Variants in MED13L observed in about 807,000 individuals in gnomAD.
MED13L encodes mediator complex subunit 13L.
MED13L carries 7 observed loss-of-function variants against 220.9 expected under a neutral mutation model. The observed-to-expected ratio is 0.03, with a 90% CI of 0.02 to 0.06. The LOEUF is 0.06. Among genes scored for constraint, MED13L ranks in the 10% least tolerant of loss-of-function variants. The probability of loss-of-function intolerance (pLI) is 1.00; values close to 1 mark genes in which losing one functional copy is unlikely to be tolerated. For synonymous variants in MED13L, 1,011 were observed against 1,015.2 expected, an observed-to-expected ratio of 1.00 and a Z score of 0.08; for missense variants, 1,965 against 2,760.5, an observed-to-expected ratio of 0.71 and a Z score of 6.46.
intron 2 of MED13L, among the ~76,000 whole-genome samples, chr12:116,142,944 C>G (rs1236967428): frequency 6.6e-6 from 1 of 152,180 alleles, no homozygotes; most frequent in African/African-American, 2.4e-5. Context: ...TCAAATCAAA[C>G]AGGTGAACTC....
At chr12:116,237,286 A>T (rs1245338841) in intron 2 of MED13L, among the ~76,000 whole-genome samples, 182 bp downstream of exon 2, 1 of 152,194 alleles carries the variant, frequency 6.6e-6, no homozygotes, top group Non-Finnish European at 1.5e-5. Flanking sequence ...GGAAAAGGAC[A>T]AGAGTTAGGA....
In MED13L at chr12:115,968,944, C is replaced by T; in HGVS notation, c.6221G>A (p.Ser2074Asn). The T allele has an allele frequency of 6.2e-7, 1 of 1,614,002 alleles. No individual in the cohort carries two copies. Among genetic ancestry groups the T allele is most frequent in the African/African-American group, 1.3e-5 (1 of 75,012 alleles). Residue 2074 changes from serine to asparagine, a missense_variant, in exon 28 of 31, where the codon AGT (serine) becomes AAT (asparagine). By Grantham distance (46) the Ser-to-Asn change is conservative (BLOSUM62 1). Around this residue, in one of 10 missense-constraint regions of MED13L, gnomAD observed 145 missense variants for 328.3 expected, o/e 0.44. Transcript: ENST00000281928. Reference protein sequence around the residue: ...GIGVGSHFQHSRSQGERLLSR... With the variant: ...GIGVGSHFQHNRSQGERLLSR... ...CGTACTCCAAATCATCCTTACCCGA[C>T]TATGCTGGAAGTGAGAGCCCACACC...
chr12:115,983,560 G>C lies in MED13L; in HGVS notation c.4532-20C>G. On this transcript the variant is annotated intron_variant, in intron 20 of 30. Transcript: ENST00000281928. ...AAGGTGCTGAAAGAATACATGCAAA[G>C]AGGTGACTTTAGTGATATTCTGCAG... 6.2e-7 allele frequency: 1 copy of C among 1,613,556 alleles called. No individual in the cohort carries two copies. The highest frequency in any genetic ancestry group is 1.7e-5 in the Admixed American group (1 of 60,010).
At chr12:116,205,412 A>G (rs557754100) in intron 2 of MED13L, among the ~76,000 whole-genome samples, 4 of 151,674 alleles carry the variant, frequency 2.6e-5, no homozygotes, top group South Asian at 2.1e-4. Context: ...GACCAAAGAC[A>G]TAAGTTCTTA....
intron 4 of MED13L, among the ~76,000 whole-genome samples, chr12:116,058,048 A>ATG (rs778948252): frequency 2.6e-5 from 4 of 152,198 alleles, no homozygotes; most frequent in Non-Finnish European, 5.9e-5. Context: ...TTCTGGCAAG[A>ATG]TGTATAACAG....
rs1257734223 is a variant in MED13L, at chr12:116,251,243, T to C, written c.73-13538A>G. On this transcript the variant is annotated intron_variant, in intron 1 of 30. Transcript: ENST00000281928. ...GTACTTAAACCCAAGTAAATCAACA[T>C]AATTATATTAAATATAAATTCTCTA... Among the ~76,000 whole-genome samples the C allele has an allele frequency of 4.9e-5, 7 of 143,636 alleles. No homozygotes were observed. The South Asian group carries it at 1.6e-3, about 32-fold the overall frequency. The allele number at this position is 143,636 out of a possible 152,430, so 94.2% of individuals were successfully genotyped here. A position where few individuals can be genotyped will look rare whatever the true frequency, so the allele number is the denominator to read the frequency against.
In MED13L at chr12:116,237,831, T is replaced by G. The variant is rs1178207084; in HGVS notation, c.73-126A>C. ...TACACGAAACTTCATATCATAAGAT[T>G]CCTCCCAGTGAAGAATGTATGTCAA... On this transcript the variant is annotated intron_variant, in intron 1 of 30. Coordinates refer to ENST00000281928, the MANE Select transcript of MED13L (RefSeq NM_015335.5). The G allele has an allele frequency of 7.0e-6, 6 of 853,224 alleles. No individual in the cohort carries two copies. The African/African-American group carries it at 8.4e-5, about 12-fold the overall frequency. The allele number at this position is 853,224 out of a possible 1,614,324, so 52.9% of individuals were successfully genotyped here.
chr12:116,006,349 A>G lies in MED13L; in HGVS notation c.2301T>C (p.Asp767=), dbSNP rs1360661718. 7.4e-6 allele frequency: 12 copies of G among 1,613,946 alleles called. No individual in the cohort carries two copies. The highest frequency in any genetic ancestry group is 8.5e-6 in the Non-Finnish European group (10 of 1,179,950). ...TGAAAATAGACATGGCATTTTTCCC[A>G]TCAGGCACCGGCGTGGAATGACCTG... ...TTPGHSTPVP[D]GKNAMSIFSS... Residue 767 remains aspartate, a synonymous_variant, in exon 12 of 31, where the codon GAT becomes GAC. Coordinates refer to ENST00000281928, the MANE Select transcript of MED13L (RefSeq NM_015335.5).
At chr12:115,967,182 A>AC (rs1192325249) in intron 28 of MED13L, among the ~76,000 whole-genome samples, 4 of 151,522 alleles carry the variant, frequency 2.6e-5, no homozygotes, top group Non-Finnish European at 4.4e-5. Flanking sequence ...AAAAAAAAAA[A>AC]AAAAAAAAAA....
At chr12:116,226,798 CGTGGAGG>C (rs1869048861) in intron 2 of MED13L, among the ~76,000 whole-genome samples, 2 of 147,284 alleles carry the variant, frequency 1.4e-5, no homozygotes, top group Non-Finnish European at 3.0e-5. Context: ...GAACTCCGGA[CGTGGAGG>C]TTGCAGTGAG....
At chr12:116,104,926 A>G (rs1457944148) in intron 3 of MED13L, among the ~76,000 whole-genome samples, 1 of 152,234 alleles carries the variant, frequency 6.6e-6, no homozygotes, top group African/African-American at 2.4e-5. Flanking sequence ...CACTGAAGCA[A>G]TAAGAAAAAC....
intron 4 of MED13L, among the ~76,000 whole-genome samples, chr12:116,055,583 C>T (rs1366627542): frequency 3.9e-5 from 6 of 152,162 alleles, no homozygotes; most frequent in African/African-American, 1.4e-4. Flanking sequence ...CATTTCATAG[C>T]TGGGAAGGCC....
intron 2 of MED13L, among the ~76,000 whole-genome samples, chr12:116,211,292 C>A (rs1345372501): frequency 6.6e-6 from 1 of 152,102 alleles, no homozygotes; most frequent in African/African-American, 2.4e-5. Context: ...CACCAGGGAT[C>A]TGAATTTTTC....
At chr12:115,977,142 G>A (rs1340571386) in intron 23 of MED13L, among the ~76,000 whole-genome samples, 1 of 152,148 alleles carries the variant, frequency 6.6e-6, no homozygotes, top group East Asian at 1.9e-4. Flanking sequence ...GACAGAGTAA[G>A]ACCCTGTCTC....
rs752111293 is a variant in MED13L at position 115,970,717 on chromosome 12, A to C, written c.5944T>G (p.Ser1982Ala). ...TCTTGAGGGGTGTTGAGCTGAGATG[A>C]CTGCATGTTCAGTGCAGTACTTCGG... ...FGRSTALNMQ[S>A]SQLNTPQDAS... Residue 1982 changes from serine to alanine, a missense_variant, in exon 27 of 31, where the codon TCA (serine) becomes GCA (alanine). Around this residue, in one of 10 missense-constraint regions of MED13L, gnomAD observed 145 missense variants for 328.3 expected, o/e 0.44. Transcript: ENST00000281928. 1.9e-6 allele frequency: 3 copies of C among 1,614,110 alleles called. No individual in the cohort carries two copies. Among genetic ancestry groups the C allele is most frequent in the East Asian group, 4.5e-5 (2 of 44,886 alleles).
Position 115,983,551 on chromosome 12 carries a change from A to C in MED13L, c.4532-11T>G. 6.2e-7 allele frequency: 1 copy of C among 1,613,922 alleles called. No individual in the cohort carries two copies. The highest frequency in any genetic ancestry group is 8.5e-7 in the Non-Finnish European group (1 of 1,179,956). On this transcript the variant is annotated splice_polypyrimidine_tract_variant and intron_variant, in intron 20 of 30. Coordinates refer to ENST00000281928, the MANE Select transcript of MED13L (RefSeq NM_015335.5). ...TGGCTAAATAAGGTGCTGAAAGAAT[A>C]CATGCAAAGAGGTGACTTTAGTGAT...
intron 2 of MED13L, among the ~76,000 whole-genome samples, chr12:116,138,332 C>T (rs960654096): frequency 5.9e-5 from 9 of 152,224 alleles, no homozygotes; most frequent in Non-Finnish European, 8.8e-5. Context: ...TTTTACATAT[C>T]AGGGTTTGTT....
intron 25 of MED13L, among the ~76,000 whole-genome samples, chr12:115,974,919 T>C (rs1183815069): frequency 6.6e-6 from 1 of 152,242 alleles, no homozygotes; most frequent in Non-Finnish European, 1.5e-5. Context: ...GAATTTACTA[T>C]CATTTTTATA....
Position 115,991,715 on chromosome 12 carries a change from C to G in MED13L, c.3239G>C (p.Gly1080Ala), listed in dbSNP as rs1878074197. 6.2e-7 allele frequency: 1 copy of G among 1,613,690 alleles called. No individual in the cohort carries two copies. The highest frequency in any genetic ancestry group is 1.7e-5 in the Admixed American group (1 of 59,994). The change falls in exon 17 of 31, where the codon GGA becomes GCA. Residue 1080 changes from glycine (G) to alanine (A), a missense_variant. This residue lies in a region of MED13L where 233 missense variants were observed against 306.2 expected (regional missense o/e 0.76). Transcript: ENST00000281928. This position sits in a 1 kb window ranked among gnomAD's most constrained non-coding sequence, Gnocchi z 7.7. ...GSVKYDSTDQ[G>A]SPASTPSTTR... ...AGTAGAGGGGGTGGAGGCTGGTGAT[C>G]CTTGATCGGTGCTATCATACTTAAC...
Sources: allele counts gnomAD v4.1 joint callset (sites outside exome capture counted in the v4.1 genomes callset), GRCh38; gene constraint gnomAD v4.1.1; regional missense constraint gnomAD v4.1.1; non-coding constraint Gnocchi (gnomAD v3.1); transcripts MANE v1.5; gene names NCBI Gene and HGNC (gene_info 2026-07-23, HGNC 2026-07-21).